FBN3: variants seen among roughly 807,000 people sequenced by gnomAD.
The protein encoded by FBN3 is fibrillin-3.
FBN3 carries 234 observed loss-of-function variants against 330.1 expected under a neutral mutation model. The ratio of observed to expected loss-of-function variants is 0.71; its 90% confidence interval spans 0.64 to 0.79. The LOEUF is 0.79. Ranked by LOEUF, FBN3 falls within the 30% of genes least tolerant of loss-of-function variation. The probability of loss-of-function intolerance (pLI) is 0.00; values close to 1 mark genes in which losing one functional copy is unlikely to be tolerated. For missense variants in FBN3, 3,606 were observed against 3,886.9 expected (o/e 0.93, Z 1.92); for synonymous variants, 1,458 against 1,517.3 (o/e 0.96, Z 0.91).
At chr19:8,137,420 C>T (rs1248069469) in intron 10 of FBN3, among the ~76,000 whole-genome samples, 1 of 151,878 alleles carries the variant, frequency 6.6e-6, no homozygotes, top group Non-Finnish European at 1.5e-5. Flanking sequence ...GGCCTAGATC[C>T]CTCCAAAATG....
At chr19:8,135,936 G>GTT in intron 13 of FBN3, 25 bp downstream of exon 13, 1 of 668,778 alleles carries the variant, frequency 1.5e-6, no homozygotes, top group Non-Finnish European at 2.4e-6. Flanking sequence ...GGAAGCCCCT[G>GTT]CCCACCCGCC....
chr19:8,135,935 T>TGGGGGGGGGGGGGGGGGG, intron 13 of FBN3, 26 bp downstream of exon 13: 68 of 1,344,118 alleles, frequency 5.1e-5, no homozygotes, highest in South Asian at 6.5e-5. Flanking sequence ...CGGAAGCCCC[T>TGGGGGGGGGGGGGGGGGG]GCCCACCCGC....
At chr19:8,120,534 G>A (rs981985128) in intron 25 of FBN3, among the ~76,000 whole-genome samples, 1 of 151,840 alleles carries the variant, frequency 6.6e-6, no homozygotes, top group South Asian at 2.1e-4. Flanking sequence ...TGTCACCCAG[G>A]CTGGAGTGCA....
intron 32 of FBN3, 29 bp downstream of exon 32, chr19:8,111,619 C>CG: frequency 1.7e-5 from 24 of 1,418,994 alleles, no homozygotes; most frequent in East Asian, 2.5e-5. Context: ...CCCTCTAGGG[C>CG]CCCTGCCCTC....
At chr19:8,135,940 A>ACCCCCCCCCCCCC in intron 13 of FBN3, 21 bp downstream of exon 13, 1 of 168,344 alleles carries the variant, frequency 5.9e-6, no homozygotes. Context: ...GCCCCTGCCC[A>ACCCCCCCCCCCCC]CCCGCCCACC....
At chr19:8,069,736 G>A (rs146682377) in intron 63 of FBN3, among the ~76,000 whole-genome samples, 298 of 152,222 alleles carry the variant, frequency 2.0e-3, no homozygotes, top group Middle Eastern at 0.014. Context: ...CAGGCACATG[G>A]CACCACAGCT....
At chr19:8,085,985 G>C (rs2144656517) in intron 55 of FBN3, among the ~76,000 whole-genome samples, 1 of 150,500 alleles carries the variant, frequency 6.6e-6, no homozygotes. Flanking sequence ...GGGACAGGCA[G>C]TGGGAGGGAC....
In FBN3 at chr19:8,096,544, C is replaced by G; in HGVS notation, c.5439G>C (p.Pro1813=). ...CVGRNECREI[P]NVCSHGDCMD... is the part of the protein sequence containing the mutation. ...TGCAGTCACCATGGCTACAGACATTCGGGATCTCCCGACACTCATTCCGTC... is the reference window on the plus strand; with the variant it reads ...TGCAGTCACCATGGCTACAGACATTGGGGATCTCCCGACACTCATTCCGTC... Residue 1813 remains proline, a synonymous_variant, in exon 44 of 64, where the codon CCG becomes CCC. Transcript: ENST00000600128. This position sits in a 1 kb window ranked among gnomAD's most constrained non-coding sequence, Gnocchi z 4.6. 6 of 1,613,200 alleles carry G rather than the reference C, an allele frequency of 3.7e-6. No individual in the cohort carries two copies. The highest frequency in any genetic ancestry group is 5.1e-6 in the Non-Finnish European group (6 of 1,179,820).
Position 8,085,541 on chromosome 19 carries a change from C to T in FBN3, c.6909G>A (p.Glu2303=), listed in dbSNP as rs972426389. 8 of 1,584,706 alleles carry T rather than the reference C, an allele frequency of 5.0e-6. No homozygotes were observed. Among genetic ancestry groups the T allele is most frequent in the East Asian group, 2.3e-5 (1 of 43,526 alleles). The change falls in exon 56 of 64, where the codon GAG becomes GAA. Residue 2303 remains glutamate (E), a synonymous_variant. Coordinates refer to ENST00000600128, the MANE Select transcript of FBN3 (RefSeq NM_032447.5). The stretch of plus-strand genomic sequence containing the variant: ...GAGACCGGCACATGGTCTGCAGCAC[C>T]TCGGCAAAGCAGGGCCCCTGCCGGA... ...HDIRQGPCFA[E]VLQTMCRSLS...
chr19:8,135,992 G>A lies in FBN3; in HGVS notation c.1560C>T (p.Phe520=), dbSNP rs75321439. 5,086 of 1,409,672 alleles carry A rather than the reference G, an allele frequency of 3.6e-3. 127 individuals carry two copies. The African/African-American group carries it at 0.062, about 17-fold the overall frequency. 87.3% of individuals were successfully genotyped at this position (1,409,672 alleles called of 1,614,324 possible). The change falls in exon 13 of 64, where the codon TTC becomes TTT. Residue 520 remains phenylalanine (F), a synonymous_variant. Transcript: ENST00000600128. ...AGTTCTTGCCGTCAGGGCTGAGCTC[G>A]AAGCCTGCATTGCAGACACACTGGA... The part of the protein sequence containing the change: ...GSFQCVCNAG[F]ELSPDGKNCV...
chr19:8,103,040 G>A (rs1314308935), intron 39 of FBN3, among the ~76,000 whole-genome samples, 167 bp from the exon 40 acceptor site: 2 of 152,120 alleles, frequency 1.3e-5, no homozygotes, highest in Non-Finnish European at 2.9e-5. Context: ...GCGGAGGCGG[G>A]CGGATCACTT....
chr19:8,109,674 G>A lies in FBN3; in HGVS notation c.4413C>T (p.Cys1471=), dbSNP rs147941879. 1.3e-5 allele frequency: 21 copies of A among 1,578,366 alleles called. No individual in the cohort carries two copies. In the African/African-American group the frequency reaches 2.4e-4, roughly 18 times the overall value. ...TGGGGTTCAGCTCAAAATCCTGGGG[G>A]CAGCTGCAGAGGTAGCTGCCGGGGG... is the stretch of plus-strand genomic sequence containing the variant. ...INTPGSYLCS[C]PQDFELNPSG... Residue 1471 remains cysteine (C), a synonymous_variant, in exon 35 of 64, where the codon TGC becomes TGT. Transcript: ENST00000600128. The surrounding 1 kb of genome is among the most constrained non-coding windows in gnomAD (Gnocchi z 5.2).
intron 63 of FBN3, among the ~76,000 whole-genome samples, chr19:8,070,003 C>T (rs889049202): frequency 1.3e-5 from 2 of 152,204 alleles, no homozygotes; most frequent in African/African-American, 4.8e-5. Flanking sequence ...CCCTGACAAC[C>T]ACTCACTCAC....
chr19:8,089,599 G>A lies in FBN3; in HGVS notation c.6322C>T (p.Arg2108Cys), dbSNP rs753202834. ...CTGTAGCCAAAGGGACACTCACAGC[G>A]GAAGGATCCATCGGTGTTGACACAG... Reference protein sequence around the residue: ...GVCVNTDGSFRCECPFGYSLD... With the variant: ...GVCVNTDGSFCCECPFGYSLD... The change falls in exon 51 of 64, where the codon CGC becomes TGC. Residue 2108 changes from arginine (R) to cysteine (C), a missense_variant. Transcript: ENST00000600128. 3.2e-5 allele frequency: 52 copies of A among 1,614,112 alleles called. 1 individual carries two copies. The highest frequency in any genetic ancestry group is 2.5e-4 in the South Asian group (23 of 91,094).
intron 48 of FBN3, among the ~76,000 whole-genome samples, chr19:8,091,171 C>T (rs926217522): frequency 1.3e-5 from 2 of 152,158 alleles, no homozygotes; most frequent in African/African-American, 4.8e-5. Context: ...TCTAGGCTAG[C>T]TCAAACTGGA....
intron 54 of FBN3, 105 bp downstream of exon 54, chr19:8,086,972 C>A: frequency 7.2e-7 from 1 of 1,398,456 alleles, no homozygotes; most frequent in Admixed American, 2.6e-5. Flanking sequence ...TCCCAAAGTG[C>A]TGGGATGACA....
Position 8,117,635 on chromosome 19 carries a change from G to A in FBN3, c.3338-46C>T, listed in dbSNP as rs373592280. ...AAGACGGGCCTGTGCCCCATCTGCCGTCTGTGTGACCATGAGACACACTGG... is the reference window on the plus strand; with the variant it reads ...AAGACGGGCCTGTGCCCCATCTGCCATCTGTGTGACCATGAGACACACTGG... On this transcript the variant is annotated intron_variant, in intron 26 of 63. Transcript: ENST00000600128. 140 of 1,492,006 alleles carry A rather than the reference G, an allele frequency of 9.4e-5. No homozygotes were observed. The East Asian group carries it at 1.7e-3, about 18-fold the overall frequency. The allele number at this position is 1,492,006 out of a possible 1,614,324, so 92.4% of individuals were successfully genotyped here. A position where few individuals can be genotyped will look rare whatever the true frequency, so the allele number is the denominator to read the frequency against.
In FBN3 at chr19:8,147,123, G is replaced by A; in HGVS notation, c.231C>T (p.Gly77=). The change falls in exon 3 of 64, where the codon GGC becomes GGT. Residue 77 remains glycine (G), a synonymous_variant. Coordinates refer to ENST00000600128, the MANE Select transcript of FBN3 (RefSeq NM_032447.5). The part of the protein sequence containing the change: ...YCCPGWRTFP[G]RSQCVVPICR... ...ACTCACGTACGACACACTGGCTCCT[G>A]CCAGGGAATGTCCTCCAGCCTGGAC... is the stretch of plus-strand genomic sequence containing the variant. 3 of 1,567,312 alleles carry A rather than the reference G, an allele frequency of 1.9e-6. No homozygotes were observed. Among genetic ancestry groups the A allele is most frequent in the Non-Finnish European group, 2.6e-6 (3 of 1,158,404 alleles).
intron 26 of FBN3, among the ~76,000 whole-genome samples, 157 bp downstream of exon 26, chr19:8,118,740 C>G (rs111996760): frequency 1.4e-3 from 207 of 152,228 alleles, no homozygotes; most frequent in African/African-American, 4.7e-3. Context: ...CACACAGATA[C>G]ACACACACAC....
Sources: gnomAD v4.1 joint callset for allele counts (sites outside exome capture counted in the v4.1 genomes callset) on GRCh38, gnomAD v4.1.1 for gene constraint, Gnocchi (gnomAD v3.1) non-coding constraint, MANE v1.5 for transcripts, NCBI Gene and HGNC (gene_info 2026-07-23, HGNC 2026-07-21) for gene names.